The following TRPM3 variants were observed in gnomAD, a reference collection of about 807,000 sequenced individuals.
TRPM3 encodes long transient receptor potential channel 3.
Under a neutral mutation model 181.2 loss-of-function variants are expected in TRPM3, and 77 were observed. That is an observed-to-expected ratio of 0.42 (90% confidence interval 0.35 to 0.51). TRPM3 has a LOEUF of 0.51. Among genes scored for constraint, TRPM3 ranks in the 20% least tolerant of loss-of-function variants. The probability of loss-of-function intolerance (pLI) is 0.01; values close to 1 mark genes in which losing one functional copy is unlikely to be tolerated. For synonymous variants in TRPM3, 745 were observed against 796.4 expected, an observed-to-expected ratio of 0.94 and a Z score of 1.09; for missense variants, 1,759 against 2,196.7, an observed-to-expected ratio of 0.80 and a Z score of 3.98.
At chr9:70,668,555 C>T (rs1027950806) in intron 9 of TRPM3, among the ~76,000 whole-genome samples, 4 of 151,844 alleles carry the variant, frequency 2.6e-5, no homozygotes, top group South Asian at 2.1e-4. Flanking sequence ...GTCCCAGCTA[C>T]GCGGGAGGCT....
intron 1 of TRPM3, among the ~76,000 whole-genome samples, chr9:71,133,240 C>T (rs2074480046): frequency 6.9e-6 from 1 of 145,338 alleles, no homozygotes; most frequent in Non-Finnish European, 1.5e-5. Context: ...TATCTGGTAA[C>T]TTATAAAGCT....
At chr9:70,909,291 T>C (rs2096510136) in intron 1 of TRPM3, among the ~76,000 whole-genome samples, 2 of 152,198 alleles carry the variant, frequency 1.3e-5, no homozygotes, top group African/African-American at 2.4e-5. Context: ...TCTGTCATTG[T>C]CCAAGTACTC....
intron 1 of TRPM3, among the ~76,000 whole-genome samples, chr9:71,111,064 CT>C (rs2070963208): frequency 6.6e-6 from 1 of 152,144 alleles, no homozygotes; most frequent in Admixed American, 6.6e-5. Flanking sequence ...AAAATATGCT[CT>C]GCTTTTGATT....
At chr9:71,199,754 C>G (rs1448666722) in intron 1 of TRPM3, among the ~76,000 whole-genome samples, 3 of 148,712 alleles carry the variant, frequency 2.0e-5, no homozygotes, top group Non-Finnish European at 4.5e-5. Context: ...CTATTTGATT[C>G]TTCTCTCTTT....
At chr9:70,914,534 G>A (rs879928512) in intron 1 of TRPM3, among the ~76,000 whole-genome samples, 2 of 152,210 alleles carry the variant, frequency 1.3e-5, no homozygotes, top group Non-Finnish European at 2.9e-5. Flanking sequence ...GACGTGTAGT[G>A]TGATAATTAA....
At chr9:71,440,371 C>T (rs982132091) in intron 1 of TRPM3, among the ~76,000 whole-genome samples, 4 of 152,144 alleles carry the variant, frequency 2.6e-5, no homozygotes, top group Non-Finnish European at 5.9e-5. Context: ...GTTGTTATTT[C>T]TTTTTCTCAT....
At chr9:70,851,377 A>G (rs894871730) in intron 3 of TRPM3, among the ~76,000 whole-genome samples, 5 of 152,234 alleles carry the variant, frequency 3.3e-5, no homozygotes, top group Non-Finnish European at 7.3e-5. Context: ...AATTTCAGCA[A>G]GCTTAACTAG....
intron 1 of TRPM3, among the ~76,000 whole-genome samples, chr9:71,175,008 G>A (rs1307725729): frequency 6.6e-6 from 1 of 152,160 alleles, no homozygotes; most frequent in African/African-American, 2.4e-5. Context: ...GGACATGGTA[G>A]GCAGAGAGAA....
chr9:70,744,054 G>A (rs2074664132), intron 8 of TRPM3, among the ~76,000 whole-genome samples: 1 of 151,964 alleles, frequency 6.6e-6, no homozygotes, highest in Non-Finnish European at 1.5e-5. Context: ...AAATGGGGCC[G>A]GGCACAGTGG....
At chr9:71,022,561 G>T (rs1485202747) in intron 1 of TRPM3, among the ~76,000 whole-genome samples, 2 of 151,974 alleles carry the variant, frequency 1.3e-5, no homozygotes, top group African/African-American at 2.4e-5. Flanking sequence ...AGCCAGGTAT[G>T]GTGGCCACTA....
Position 71,121,583 on chromosome 9 carries a change from A to C in TRPM3, c.-229T>G, listed in dbSNP as rs200035691. 1 of 1,308,242 alleles carries C rather than the reference A, an allele frequency of 7.6e-7. No individual in the cohort carries two copies. 81.0% of individuals were successfully genotyped at this position (1,308,242 alleles called of 1,614,324 possible). A position where few individuals can be genotyped will look rare whatever the true frequency, so the allele number is the denominator to read the frequency against. On this transcript the variant is annotated 5_prime_UTR_variant, in exon 1 of 26. Transcript: ENST00000677713. Reference sequence around the variant, plus strand: ...GAAGAAGAGGGACAGCCTGCACAAAACAGCCTGTGGTCGGAGTCAAAGCAG... The same window carrying C: ...GAAGAAGAGGGACAGCCTGCACAAACCAGCCTGTGGTCGGAGTCAAAGCAG...
chr9:71,260,808 C>A (rs1393654177), intron 1 of TRPM3, among the ~76,000 whole-genome samples: 2 of 152,170 alleles, frequency 1.3e-5, no homozygotes, highest in Non-Finnish European at 2.9e-5. Flanking sequence ...TCTAAATATA[C>A]AATCATGCCA....
intron 6 of TRPM3, among the ~76,000 whole-genome samples, chr9:70,797,360 A>G (rs1358517276): frequency 6.6e-6 from 1 of 152,144 alleles, no homozygotes; most frequent in Non-Finnish European, 1.5e-5. Flanking sequence ...GACTTCCCTA[A>G]TATAATGATC....
intron 1 of TRPM3, among the ~76,000 whole-genome samples, chr9:71,381,343 C>A (rs759946773): frequency 5.9e-5 from 9 of 152,004 alleles, no homozygotes; most frequent in Non-Finnish European, 1.0e-4. Flanking sequence ...AGGTGGAAGA[C>A]AGTAGGTGGG....
At chr9:70,761,504 A>T in intron 8 of TRPM3, 97 bp downstream of exon 8, 4 of 1,575,990 alleles carry the variant, frequency 2.5e-6, no homozygotes, top group Non-Finnish European at 3.5e-6. Context: ...GCTCGGCCAG[A>T]AAGAGAGAAT....
intron 1 of TRPM3, among the ~76,000 whole-genome samples, chr9:71,037,554 C>T (rs2058356303): frequency 6.6e-6 from 1 of 152,190 alleles, no homozygotes; most frequent in African/African-American, 2.4e-5. Context: ...CATCCTTTGC[C>T]CATCCATTCA....
intron 6 of TRPM3, among the ~76,000 whole-genome samples, chr9:70,821,038 A>G (rs1396301866): frequency 6.6e-6 from 1 of 152,228 alleles, no homozygotes; most frequent in Non-Finnish European, 1.5e-5. Context: ...CTGAAAGTCG[A>G]ATTTGCAACC....
At chr9:71,344,888 A>T (rs930971485) in intron 1 of TRPM3, among the ~76,000 whole-genome samples, 3 of 152,234 alleles carry the variant, frequency 2.0e-5, no homozygotes, top group African/African-American at 7.2e-5. Context: ...ACAAGAAAAC[A>T]AACACTCAAA....
chr9:71,197,054 T>A (rs562034259), intron 1 of TRPM3, among the ~76,000 whole-genome samples: 2 of 152,148 alleles, frequency 1.3e-5, no homozygotes, highest in East Asian at 3.9e-4. Flanking sequence ...CAGAGTGTGA[T>A]GTTCCCCTTC....
Sources: allele counts gnomAD v4.1 joint callset (sites outside exome capture counted in the v4.1 genomes callset), GRCh38; gene constraint gnomAD v4.1.1; transcripts MANE v1.5; gene names NCBI Gene and HGNC (gene_info 2026-07-23, HGNC 2026-07-21).